IQSEC1: variants seen among roughly 807,000 people sequenced by gnomAD.
IQSEC1 encodes the protein IQ motif and SEC7 domain-containing protein 1.
IQSEC1 carries 31 observed loss-of-function variants against 91.0 expected under a neutral mutation model. The ratio of observed to expected loss-of-function variants is 0.34; its 90% CI spans 0.26 to 0.46. The LOEUF (loss-of-function observed/expected upper bound fraction) is 0.46. Among genes scored for constraint, IQSEC1 ranks in the 20% least tolerant of loss-of-function variants. The pLI, the probability that IQSEC1 is intolerant of heterozygous loss-of-function variation, is 1.00. For missense variants in IQSEC1, 1,388 were observed against 1,575.6 expected (o/e 0.88, Z 2.02); for synonymous variants, 699 against 662.6 (o/e 1.05, Z -0.84).
intron 1 of IQSEC1, among the ~76,000 whole-genome samples, chr3:13,183,107 T>A (rs141908344): frequency 0.067 from 10,224 of 151,704 alleles, 363 homozygotes; most frequent in Middle Eastern, 0.072. Context: ...GAGGCTGCAG[T>A]GAGCTGAGAT....
At chr3:13,102,975 G>T (rs946126622) in intron 2 of IQSEC1, among the ~76,000 whole-genome samples, 2 of 152,218 alleles carry the variant, frequency 1.3e-5, no homozygotes, top group Non-Finnish European at 2.9e-5. Context: ...GCTCAGCCCC[G>T]TCAGAGGTGG....
At chr3:12,929,667 C>T (rs983759527) in intron 3 of IQSEC1, among the ~76,000 whole-genome samples, 1 of 152,232 alleles carries the variant, frequency 6.6e-6, no homozygotes, top group African/African-American at 2.4e-5. Context: ...ACCCCATTCC[C>T]ACAGTCCCTT....
At chr3:13,217,992 C>T (rs930324850) in intron 1 of IQSEC1, among the ~76,000 whole-genome samples, 2 of 152,164 alleles carry the variant, frequency 1.3e-5, no homozygotes, top group African/African-American at 2.4e-5. Flanking sequence ...ACACAGCACC[C>T]GAAGCATCTA....
chr3:13,208,124 G>A (rs1298160523), intron 1 of IQSEC1, among the ~76,000 whole-genome samples: 1 of 150,784 alleles, frequency 6.6e-6, no homozygotes, highest in Non-Finnish European at 1.5e-5. Context: ...TGGGTGGGTG[G>A]CCAGACAGAT....
chr3:12,915,516 G>T, intron 7 of IQSEC1, 78 bp downstream of exon 7: 1 of 1,498,460 alleles, frequency 6.7e-7, no homozygotes, highest in Non-Finnish European at 9.2e-7. Context: ...AGTGGGGTGG[G>T]TGGGAGTGAG....
intron 1 of IQSEC1, among the ~76,000 whole-genome samples, chr3:13,013,781 C>T (rs571243538): frequency 6.6e-6 from 1 of 152,306 alleles, no homozygotes; most frequent in African/African-American, 2.4e-5. Flanking sequence ...ACTTGGCACA[C>T]AGTAGGTGCC....
intron 1 of IQSEC1, chr3:13,047,477 C>A (rs1441669445): frequency 1.0e-6 from 1 of 985,192 alleles, no homozygotes; most frequent in African/African-American, 1.7e-5. Context: ...CAAGACAGTA[C>A]CTGTAGCGGT....
chr3:13,117,605 G>A (rs1177730575), intron 2 of IQSEC1, among the ~76,000 whole-genome samples: 7 of 131,388 alleles, frequency 5.3e-5, no homozygotes, highest in African/African-American at 9.5e-5. Context: ...AAAAAGCCAC[G>A]GCTGGGTGCA....
At chr3:13,261,663 G>A (rs1233348146) in intron 1 of IQSEC1, among the ~76,000 whole-genome samples, 1 of 151,946 alleles carries the variant, frequency 6.6e-6, no homozygotes, top group Non-Finnish European at 1.5e-5. Flanking sequence ...GAGCTCCCAG[G>A]GCAGAGCCAG....
chr3:12,946,487 T>A (rs1210091567), intron 1 of IQSEC1, among the ~76,000 whole-genome samples: 1 of 152,166 alleles, frequency 6.6e-6, no homozygotes, highest in Admixed American at 6.5e-5. Flanking sequence ...CATAGATTTG[T>A]GCAAAGGAAA....
At chr3:13,274,854 CA>C (rs1695649388) in intron 1 of IQSEC1, among the ~76,000 whole-genome samples, 1 of 152,234 alleles carries the variant, frequency 6.6e-6, no homozygotes, top group Non-Finnish European at 1.5e-5. Context: ...GGGCTGTCTC[CA>C]GGTGGGTGAC....
intron 1 of IQSEC1, among the ~76,000 whole-genome samples, chr3:13,264,399 G>A (rs191024242): frequency 5.3e-5 from 8 of 152,300 alleles, no homozygotes; most frequent in Admixed American, 4.6e-4. Context: ...GTGAAAACAC[G>A]CCCCGCTGCC....
intron 1 of IQSEC1, among the ~76,000 whole-genome samples, chr3:13,277,997 C>T (rs547254469): frequency 9.2e-5 from 14 of 152,334 alleles, no homozygotes; most frequent in African/African-American, 2.6e-4. Flanking sequence ...ATCCAGCCTC[C>T]GCTGCTGCCC....
chr3:13,122,682 T>G (rs1251478291), intron 2 of IQSEC1, among the ~76,000 whole-genome samples: 1 of 152,064 alleles, frequency 6.6e-6, no homozygotes, highest in South Asian at 2.1e-4. Context: ...AAGGGACACA[T>G]CCCACCTGGT....
intron 2 of IQSEC1, among the ~76,000 whole-genome samples, chr3:13,150,042 A>G (rs1706968417): frequency 6.6e-6 from 1 of 152,174 alleles, no homozygotes; most frequent in South Asian, 2.1e-4. Context: ...GAAGAATCCG[A>G]CCTGCAGTGC....
intron 1 of IQSEC1, among the ~76,000 whole-genome samples, chr3:13,249,262 C>T (rs1344342070): frequency 6.7e-6 from 1 of 149,126 alleles, no homozygotes; most frequent in Non-Finnish European, 1.5e-5. Flanking sequence ...AGCTCTGCCT[C>T]CTAGGTTCTT....
At chr3:13,261,476 T>G (rs888818823) in intron 1 of IQSEC1, among the ~76,000 whole-genome samples, 1 of 151,996 alleles carries the variant, frequency 6.6e-6, no homozygotes, top group Non-Finnish European at 1.5e-5. Context: ...TCCCAGTGTA[T>G]CCCCTTTCAC....
intron 2 of IQSEC1, among the ~76,000 whole-genome samples, chr3:13,134,413 C>T (rs1015465479): frequency 6.6e-6 from 1 of 152,240 alleles, no homozygotes; most frequent in Non-Finnish European, 1.5e-5. Context: ...GTCTTGGGTC[C>T]TCTGTGGCAC....
intron 1 of IQSEC1, among the ~76,000 whole-genome samples, chr3:13,252,579 G>A (rs963468993): frequency 1.3e-5 from 2 of 152,196 alleles, no homozygotes; most frequent in Non-Finnish European, 2.9e-5. Context: ...ATTGCGGGAT[G>A]CAATGGTGAG....
Sources: allele counts gnomAD v4.1 joint callset (sites outside exome capture counted in the v4.1 genomes callset), GRCh38; gene constraint gnomAD v4.1.1; transcripts MANE v1.5; gene names NCBI Gene and HGNC (gene_info 2026-07-23, HGNC 2026-07-21).